The following CFAP44 variants were observed in gnomAD, a reference collection of about 807,000 sequenced individuals.
The protein encoded by CFAP44 is cilia- and flagella-associated protein 44.
CFAP44 carries 134 observed loss-of-function variants against 216.2 expected under a neutral mutation model. That is an observed-to-expected ratio of 0.62 (90% CI 0.54 to 0.72). CFAP44 has a LOEUF of 0.72. Ranked by LOEUF, CFAP44 falls within the 30% of genes least tolerant of loss-of-function variation. The pLI is 0.00. For synonymous variants in CFAP44, 700 were observed against 727.6 expected, an observed-to-expected ratio of 0.96 and a Z score of 0.61; for missense variants, 2,035 against 2,182.1, an observed-to-expected ratio of 0.93 and a Z score of 1.34.
chr3:113,409,400 G>A (rs1934390096), intron 6 of CFAP44, 78 bp from the exon 7 acceptor site: 7 of 1,328,216 alleles, frequency 5.3e-6, no homozygotes, highest in South Asian at 5.1e-5. Flanking sequence ...AAAAAAGAGA[G>A]GGAGTCAGCC....
chr3:113,301,199 TTATGAA>T (rs1949931544), intron 32 of CFAP44, among the ~76,000 whole-genome samples: 1 of 152,184 alleles, frequency 6.6e-6, no homozygotes, highest in Non-Finnish European at 1.5e-5. Context: ...ACGTCTACTC[TTATGAA>T]TATAATATTA....
intron 26 of CFAP44, among the ~76,000 whole-genome samples, chr3:113,328,696 TAAAA>T (rs58650082): frequency 3.5e-5 from 1 of 28,532 alleles, no homozygotes; most frequent in Non-Finnish European, 6.1e-5. Context: ...TTAGAGAGCT[TAAAA>T]AAAAAAAAAA....
At chr3:113,439,820 G>A (rs1935320334) in intron 1 of CFAP44, among the ~76,000 whole-genome samples, 1 of 152,204 alleles carries the variant, frequency 6.6e-6, no homozygotes, top group African/African-American at 2.4e-5. Flanking sequence ...TGGTCCTCAT[G>A]CTCACAAGCT....
At chr3:113,345,962 T>C (rs1293744173) in intron 22 of CFAP44, among the ~76,000 whole-genome samples, 3 of 152,246 alleles carry the variant, frequency 2.0e-5, no homozygotes, top group African/African-American at 7.2e-5. Flanking sequence ...ATTTCCTTTA[T>C]GTATTTGCCC....
At position 113,380,914 on chromosome 3, in the gene CFAP44, G is replaced by C. The variant is rs1163651024; in HGVS notation, c.2037C>G (p.Val679=). 1 of 1,580,122 alleles carries C rather than the reference G, an allele frequency of 6.3e-7. No homozygotes were observed. Among genetic ancestry groups the C allele is most frequent in the Admixed American group, 1.8e-5 (1 of 54,756 alleles). The part of the protein sequence containing the change: ...MCIKCFHFSS[V]KSKILRLIEI... Reference sequence around the variant, plus strand: ...TATTCCATACCAGAATCTTAGATTTGACACTTGAAAAATGGAAACATTTTA... The same window carrying C: ...TATTCCATACCAGAATCTTAGATTTCACACTTGAAAAATGGAAACATTTTA... The change falls in exon 16 of 35, where the codon GTC becomes GTG. Residue 679 remains valine, a synonymous_variant. Transcript: ENST00000393845.
At chr3:113,353,391 A>T (rs1239232605) in intron 22 of CFAP44, among the ~76,000 whole-genome samples, 4 of 152,024 alleles carry the variant, frequency 2.6e-5, no homozygotes, top group Non-Finnish European at 5.9e-5. Context: ...TAAATAAAAT[A>T]AAGAACAGCC....
At chr3:113,329,315 A>C (rs974030080) in intron 26 of CFAP44, among the ~76,000 whole-genome samples, 1 of 152,204 alleles carries the variant, frequency 6.6e-6, no homozygotes, top group African/African-American at 2.4e-5. Flanking sequence ...TGATAACTCA[A>C]CTCTGGAAGG....
intron 17 of CFAP44, among the ~76,000 whole-genome samples, chr3:113,374,513 T>C (rs144719856): frequency 2.0e-5 from 3 of 152,280 alleles, no homozygotes; most frequent in African/African-American, 2.4e-5. Flanking sequence ...CATAGACTTA[T>C]GGAGAAAGAA....
At position 113,426,285 on chromosome 3, in the gene CFAP44, A is replaced by C; in HGVS notation, c.254-8T>G. On this transcript the variant is annotated splice_polypyrimidine_tract_variant and splice_region_variant and intron_variant, in intron 3 of 34. Transcript: ENST00000393845. ...CAGGGGTTTGCTGAGGTACTAAAAA[A>C]ATAAAATAATTTAAGAAGAGTGATA... 6.2e-7 allele frequency: 1 copy of C among 1,611,766 alleles called. No individual in the cohort carries two copies. Among genetic ancestry groups the C allele is most frequent in the Non-Finnish European group, 8.5e-7 (1 of 1,179,232 alleles).
intron 28 of CFAP44, among the ~76,000 whole-genome samples, chr3:113,323,310 G>A (rs955421370): frequency 6.6e-6 from 1 of 152,212 alleles, no homozygotes; most frequent in African/African-American, 2.4e-5. Flanking sequence ...CATGACCTTT[G>A]CAGCAACATG....
At chr3:113,305,449 C>G (rs1404438113) in intron 30 of CFAP44, among the ~76,000 whole-genome samples, 1 of 152,144 alleles carries the variant, frequency 6.6e-6, no homozygotes, top group Non-Finnish European at 1.5e-5. Context: ...TGAAAAGCAG[C>G]CCATCAGCAT....
At chr3:113,387,065 C>T (rs562424989) in intron 15 of CFAP44, among the ~76,000 whole-genome samples, 38 of 152,278 alleles carry the variant, frequency 2.5e-4, no homozygotes, top group African/African-American at 9.1e-4. Context: ...ACCACCATAG[C>T]CTAAAGTGCT....
chr3:113,295,217 G>A (rs2936812), intron 33 of CFAP44, among the ~76,000 whole-genome samples: 112,211 of 152,142 alleles, frequency 0.74, 41,597 homozygotes, highest in Admixed American at 0.82. Flanking sequence ...GCTGGCTTGA[G>A]TGGCCACACA....
intron 26 of CFAP44, among the ~76,000 whole-genome samples, chr3:113,328,837 T>G (rs1248966418): frequency 6.6e-6 from 1 of 152,082 alleles, no homozygotes; most frequent in Non-Finnish European, 1.5e-5. Context: ...CTGCATTTAT[T>G]TGGAGGACCA....
intron 13 of CFAP44, among the ~76,000 whole-genome samples, chr3:113,398,423 AG>A (rs973726298): frequency 4.6e-5 from 7 of 152,198 alleles, no homozygotes; most frequent in African/African-American, 1.7e-4. Context: ...GGTATGGAGA[AG>A]GGACATTTTA....
Position 113,333,531 on chromosome 3 carries a change from T to C in CFAP44, c.3490A>G (p.Ile1164Val). The C allele has an allele frequency of 3.3e-6, 5 of 1,537,140 alleles. No individual in the cohort carries two copies. The highest frequency in any genetic ancestry group is 3.5e-6 in the Non-Finnish European group (4 of 1,146,868). ...DYEDPKDLQA[I>V]KEAQVYMGDF... ...CCCATATACACCTGGGCTTCTTTGA[T>C]GGCTTGAAGATCTTTGGGATCTTCA... The change falls in exon 25 of 35, where the codon ATC becomes GTC. Residue 1164 changes from isoleucine (I) to valine (V), a missense_variant. Ile to Val is a conservative substitution (Grantham distance 29). This residue lies in a region of CFAP44 where 1,883 missense variants were observed against 2,023.7 expected (regional missense o/e 0.93). Coordinates refer to ENST00000393845, the MANE Select transcript of CFAP44 (RefSeq NM_001164496.2).
intron 1 of CFAP44, among the ~76,000 whole-genome samples, chr3:113,437,955 A>C (rs1011998892): frequency 6.6e-6 from 1 of 152,194 alleles, no homozygotes; most frequent in African/African-American, 2.4e-5. Flanking sequence ...TGAGGGTGAT[A>C]GGGTTATTTG....
intron 28 of CFAP44, among the ~76,000 whole-genome samples, chr3:113,311,460 C>T (rs1950037496): frequency 6.6e-6 from 1 of 152,216 alleles, no homozygotes; most frequent in Non-Finnish European, 1.5e-5. Context: ...GCTTTTGCAT[C>T]TTTCTCATTT....
chr3:113,325,504 G>A (rs1479484529), intron 28 of CFAP44, among the ~76,000 whole-genome samples: 1 of 151,610 alleles, frequency 6.6e-6, no homozygotes. Flanking sequence ...GAGTGCAGTG[G>A]CATGATCTCA....
Sources: allele counts gnomAD v4.1 joint callset (sites outside exome capture counted in the v4.1 genomes callset), GRCh38; gene constraint gnomAD v4.1.1; regional missense constraint gnomAD v4.1.1; transcripts MANE v1.5; gene names NCBI Gene and HGNC (gene_info 2026-07-23, HGNC 2026-07-21).